MAN2A2: variants seen among roughly 807,000 people sequenced by gnomAD.
The protein encoded by MAN2A2 is mannosidase alpha class 2A member 2, also known as alpha-mannosidase 2x.
MAN2A2 carries 79 observed loss-of-function variants against 126.8 expected under a neutral mutation model. The observed-to-expected ratio is 0.62, with a 90% CI of 0.52 to 0.75. MAN2A2 has a LOEUF of 0.75. Among genes scored for constraint, MAN2A2 ranks in the 30% least tolerant of loss-of-function variants. MAN2A2 has a pLI of 0.00. For synonymous variants in MAN2A2, 671 were observed against 618.7 expected, an observed-to-expected ratio of 1.08 and a Z score of -1.25; for missense variants, 1,392 against 1,522.4, an observed-to-expected ratio of 0.91 and a Z score of 1.43.
intron 20 of MAN2A2, among the ~76,000 whole-genome samples, chr15:90,916,851 G>T (rs1042585737): frequency 1.3e-5 from 2 of 152,198 alleles, no homozygotes; most frequent in Non-Finnish European, 2.9e-5. Flanking sequence ...CGTGAGTAGG[G>T]GTGGCAGAGA....
At chr15:90,913,247 T>C (rs1469604673) in intron 17 of MAN2A2, 26 bp from the exon 18 acceptor site, 1 of 1,612,000 alleles carries the variant, frequency 6.2e-7, no homozygotes, top group Non-Finnish European at 8.5e-7. Context: ...CACCTGTCCA[T>C]GCCCCCACTT....
At chr15:90,916,509 C>T (rs1304582535) in intron 20 of MAN2A2, 2 of 1,349,420 alleles carry the variant, frequency 1.5e-6, no homozygotes, top group African/African-American at 2.9e-5. Context: ...CTGTGCTGCC[C>T]TCCTCTGCCC....
In MAN2A2 at chr15:90,906,412, G is replaced by C. The variant is rs747067505; in HGVS notation, c.750G>C (p.Trp250Cys). 1 of 1,614,170 alleles carries C rather than the reference G, an allele frequency of 6.2e-7. No homozygotes were observed. Among genetic ancestry groups the C allele is most frequent in the Non-Finnish European group, 8.5e-7 (1 of 1,180,010 alleles). The stretch of plus-strand genomic sequence containing the variant: ...AGCTGGAGATTGCGACAGGAGGCTG[G>C]GTGATGCCAGATGAGGCCAATTCCC... ...NGQLEIATGG[W>C]VMPDEANSHY... Residue 250 changes from tryptophan to cysteine, a missense_variant, in exon 6 of 23, where the codon TGG (tryptophan) becomes TGC (cysteine). Physicochemically the swap from Trp to Cys is radical, Grantham distance 215 (BLOSUM62 -2). Transcript: ENST00000559717.
chr15:90,908,692 C>G (rs1355537944), intron 8 of MAN2A2, among the ~76,000 whole-genome samples: 1 of 151,884 alleles, frequency 6.6e-6, no homozygotes, highest in African/African-American at 2.4e-5. Context: ...TATCCTGCCT[C>G]AGCCTCCTGA....
At chr15:90,916,578 C>T (rs1369999402) in intron 20 of MAN2A2, 1 of 1,358,696 alleles carries the variant, frequency 7.4e-7, no homozygotes, top group African/African-American at 1.5e-5. Flanking sequence ...CTTTCTTTGC[C>T]CCACCAGCCT....
chr15:90,906,989 AC>A (rs952242747), intron 7 of MAN2A2, 76 bp downstream of exon 7: 6 of 1,539,192 alleles, frequency 3.9e-6, no homozygotes, highest in African/African-American at 1.4e-5. Flanking sequence ...CAGAACTAAG[AC>A]CCCCACTGTT....
chr15:90,910,309 G>A lies in MAN2A2; in HGVS notation c.1577+17G>A, dbSNP rs767275568. On this transcript the variant is annotated intron_variant, in intron 10 of 22. Coordinates refer to ENST00000559717, the MANE Select transcript of MAN2A2 (RefSeq NM_006122.4). ...CCACCTGCGGTGAGACCCTGTCCCC[G>A]CTTCCAGGCTGGAGGGGGAGAGTCA... The A allele has an allele frequency of 2.9e-5, 47 of 1,612,930 alleles. No individual in the cohort carries two copies. Among genetic ancestry groups the A allele is most frequent in the Non-Finnish European group, 3.5e-5 (41 of 1,179,320 alleles).
chr15:90,910,186 G>C lies in MAN2A2; in HGVS notation c.1471G>C (p.Gly491Arg). ...ARPPGFPVLS[G>R]DFFSYADRED... The stretch of plus-strand genomic sequence containing the variant: ...GCCTCCAGGGTTTCCTGTGCTGAGC[G>C]GGGATTTCTTCTCCTATGCGGACCG... Residue 491 changes from glycine (G) to arginine (R), a missense_variant, in exon 10 of 23, where the codon GGG (glycine) becomes CGG (arginine). Coordinates refer to ENST00000559717, the MANE Select transcript of MAN2A2 (RefSeq NM_006122.4). The C allele has an allele frequency of 6.2e-7, 1 of 1,614,186 alleles. No homozygotes were observed. The highest frequency in any genetic ancestry group is 8.5e-7 in the Non-Finnish European group (1 of 1,180,034).
At chr15:90,913,502 T>C (rs1378827315) in intron 18 of MAN2A2, 96 bp downstream of exon 18, 9 of 1,564,350 alleles carry the variant, frequency 5.8e-6, no homozygotes, top group African/African-American at 2.7e-5. Context: ...TCTGCCCTGA[T>C]GGAGAAAGAT....
chr15:90,903,514 C>G (rs941658001), intron 1 of MAN2A2, 82 bp downstream of exon 1: 1 of 155,768 alleles, frequency 6.4e-6, no homozygotes, highest in African/African-American at 2.4e-5. Flanking sequence ...GGCCCCGTCT[C>G]TCCCTTCCCA....
At chr15:90,912,464 A>C in intron 15 of MAN2A2, 78 bp from the exon 16 acceptor site, 1 of 1,596,556 alleles carries the variant, frequency 6.3e-7, no homozygotes, top group East Asian at 2.3e-5. Context: ...TCCTTGGGGA[A>C]GCTATTCCGT....
chr15:90,910,972 C>T lies in MAN2A2; in HGVS notation c.1875+11C>T. 2.5e-6 allele frequency: 4 copies of T among 1,607,794 alleles called. No homozygotes were observed. Among genetic ancestry groups the T allele is most frequent in the Middle Eastern group, 1.7e-4 (1 of 6,048 alleles). ...CCCTTCCTCCAAGTGGTGAGCCCCT[C>T]CTGGGTCTGCATGGGGACCCTCTGG... On this transcript the variant is annotated intron_variant, in intron 12 of 22. Transcript: ENST00000559717.
At chr15:90,913,191 C>G (rs192436937) in intron 17 of MAN2A2, 82 bp from the exon 18 acceptor site, 12 of 1,518,172 alleles carry the variant, frequency 7.9e-6, no homozygotes, top group Non-Finnish European at 9.9e-6. Flanking sequence ...CTCCCCAGCT[C>G]GGCTCTGATC....
intron 7 of MAN2A2, 100 bp from the exon 8 acceptor site, chr15:90,907,209 T>C: frequency 8.3e-7 from 1 of 1,208,046 alleles, no homozygotes. Context: ...AGTTACAGCC[T>C]CGCGGTCTAT....
rs1200942557 is a variant in MAN2A2, at chr15:90,906,475, C to T, written c.813C>T (p.His271=). Reference sequence around the variant, plus strand: ...TGATTGACCAGCTCATCGAAGGACACCAGTGGCTGGAGAGAAATCTTGGTA... The same window carrying T: ...TGATTGACCAGCTCATCGAAGGACATCAGTGGCTGGAGAGAAATCTTGGTA... ...FALIDQLIEG[H]QWLERNLGAT... is the part of the protein sequence containing the mutation. The change falls in exon 6 of 23, where the codon CAC becomes CAT. Residue 271 remains histidine (H), a synonymous_variant. Coordinates refer to ENST00000559717, the MANE Select transcript of MAN2A2 (RefSeq NM_006122.4). The T allele has an allele frequency of 1.2e-6, 2 of 1,614,042 alleles. No homozygotes were observed. Among genetic ancestry groups the T allele is most frequent in the Non-Finnish European group, 8.5e-7 (1 of 1,180,014 alleles).
At chr15:90,913,445 A>G (rs774725906) in intron 18 of MAN2A2, 39 bp downstream of exon 18, 1 of 1,577,144 alleles carries the variant, frequency 6.3e-7, no homozygotes, top group East Asian at 2.2e-5. Flanking sequence ...CCCACAGAGT[A>G]GAACTTGGAC....
At chr15:90,909,560 C>G (rs2034559009) in intron 9 of MAN2A2, 56 bp downstream of exon 9, 1 of 1,523,678 alleles carries the variant, frequency 6.6e-7, no homozygotes, top group Non-Finnish European at 8.9e-7. Flanking sequence ...CCATCCCTTC[C>G]CGTGAGACCG....
chr15:90,905,572 C>G lies in MAN2A2; in HGVS notation c.391-7C>G. ...ACTGGGGTACTGAGCTGCAGTTCAC[C>G]TGGCAGATGCTCACTGTGTCGGAGG... is the stretch of plus-strand genomic sequence containing the variant. On this transcript the variant is annotated splice_polypyrimidine_tract_variant and splice_region_variant and intron_variant, in intron 3 of 22. Transcript: ENST00000559717. 6.2e-7 allele frequency: 1 copy of G among 1,614,170 alleles called. No homozygotes were observed. The highest frequency in any genetic ancestry group is 1.1e-5 in the South Asian group (1 of 91,082).
rs767864216 is a variant in MAN2A2, at chr15:90,910,900, A to G, written c.1814A>G (p.Tyr605Cys). ...CAGGTCATCATTCATGCAGCCCACT[A>G]TCTGGTGCTGGGGGACAAGGAGACC... The part of the protein sequence containing the change: ...LKQVIIHAAH[Y>C]LVLGDKETYH... Residue 605 changes from tyrosine to cysteine, a missense_variant, in exon 12 of 23, where the codon TAT becomes TGT. Tyr to Cys is a radical substitution (Grantham distance 194, BLOSUM62 -2). Transcript: ENST00000559717. The G allele has an allele frequency of 3.1e-6, 5 of 1,614,054 alleles. No individual in the cohort carries two copies. The highest frequency in any genetic ancestry group is 4.2e-6 in the Non-Finnish European group (5 of 1,179,996).
Sources: gnomAD v4.1 joint callset for allele counts (sites outside exome capture counted in the v4.1 genomes callset) on GRCh38, gnomAD v4.1.1 for gene constraint, MANE v1.5 for transcripts, NCBI Gene and HGNC (gene_info 2026-07-23, HGNC 2026-07-21) for gene names.